The following MXI1 variants were observed in gnomAD, a reference collection of about 807,000 sequenced individuals.
The protein encoded by MXI1 is max-interacting protein 1.
MXI1 carries 18 observed loss-of-function variants against 36.9 expected under a neutral mutation model. The ratio of observed to expected loss-of-function variants is 0.49; its 90% CI spans 0.34 to 0.72. The LOEUF is 0.72. MXI1 is among the 30% of genes least tolerant of loss of function. The pLI is 0.01. For synonymous variants in MXI1, 160 were observed against 146.7 expected (o/e 1.09, Z -0.65); for missense variants, 304 against 379.1 (o/e 0.80, Z 1.64).
At chr10:110,243,125 A>C (rs914751700) in intron 2 of MXI1, among the ~76,000 whole-genome samples, 1 of 150,828 alleles carries the variant, frequency 6.6e-6, no homozygotes, top group African/African-American at 2.4e-5. Context: ...AAAGATTAAC[A>C]AAATTTTAAA....
intron 3 of MXI1, among the ~76,000 whole-genome samples, chr10:110,246,550 A>G (rs1377560034): frequency 1.3e-5 from 2 of 152,192 alleles, no homozygotes; most frequent in Non-Finnish European, 2.9e-5. Flanking sequence ...TACTTTGCAC[A>G]GTGCTGTGTT....
In MXI1 at chr10:110,210,976, A is replaced by G. The variant is rs548461093; in HGVS notation, c.274+2894A>G. 4.0e-5 allele frequency among the ~76,000 whole-genome samples: 6 copies of G among 151,710 alleles called. No individual in the cohort carries two copies. The East Asian group carries it at 7.8e-4, about 20-fold the overall frequency. On this transcript the variant is annotated intron_variant, in intron 1 of 5. Coordinates refer to ENST00000332674, the MANE Select transcript of MXI1 (RefSeq NM_130439.3). ...GATCTGGGCGTTCCGATAGGATTCC[A>G]GCATCTACCGGGTCCCTGGTTTCTG... is the stretch of plus-strand genomic sequence containing the variant.
intron 3 of MXI1, among the ~76,000 whole-genome samples, chr10:110,273,590 T>C (rs983894116): frequency 2.6e-5 from 4 of 152,264 alleles, no homozygotes; most frequent in Non-Finnish European, 4.4e-5. Flanking sequence ...GTAGGAAAAG[T>C]AGCTAGCTGC....
chr10:110,265,827 T>C (rs1241731299), intron 3 of MXI1, among the ~76,000 whole-genome samples: 1 of 152,224 alleles, frequency 6.6e-6, no homozygotes, highest in Non-Finnish European at 1.5e-5. Context: ...TTCCTCTGCA[T>C]GGTTCTCTCT....
chr10:110,221,943 C>G (rs993047263), intron 1 of MXI1, among the ~76,000 whole-genome samples: 4 of 152,180 alleles, frequency 2.6e-5, no homozygotes, highest in Non-Finnish European at 5.9e-5. Flanking sequence ...AGCTACCTCT[C>G]GGGTTTAGCA....
intron 1 of MXI1, among the ~76,000 whole-genome samples, chr10:110,219,982 C>T (rs1854758306): frequency 6.6e-6 from 1 of 152,182 alleles, no homozygotes; most frequent in Admixed American, 6.5e-5. Context: ...TGGAACGCCC[C>T]CAGTCATTGT....
At chr10:110,277,784 CTT>C (rs552605111) in intron 3 of MXI1, among the ~76,000 whole-genome samples, 10 of 152,318 alleles carry the variant, frequency 6.6e-5, no homozygotes, top group Middle Eastern at 3.4e-3. Flanking sequence ...CTAGAAGAAT[CTT>C]AATTCATTAG....
chr10:110,267,703 T>C (rs1476775299), intron 3 of MXI1, among the ~76,000 whole-genome samples: 1 of 152,202 alleles, frequency 6.6e-6, no homozygotes, highest in Non-Finnish European at 1.5e-5. Flanking sequence ...ATTTTTATAA[T>C]GGAAAAGAAT....
intron 2 of MXI1, among the ~76,000 whole-genome samples, chr10:110,230,793 T>C (rs1855230370): frequency 6.6e-6 from 1 of 152,230 alleles, no homozygotes; most frequent in Non-Finnish European, 1.5e-5. Flanking sequence ...TTATGCTGGT[T>C]ACATAAAGCA....
intron 2 of MXI1, among the ~76,000 whole-genome samples, chr10:110,230,349 C>T (rs1855214800): frequency 6.6e-6 from 1 of 152,184 alleles, no homozygotes; most frequent in Non-Finnish European, 1.5e-5. Flanking sequence ...GTGCTAATTA[C>T]TGTGTTTTAG....
intron 1 of MXI1, among the ~76,000 whole-genome samples, chr10:110,215,869 G>C (rs1408782551): frequency 6.6e-6 from 1 of 152,050 alleles, no homozygotes; most frequent in East Asian, 1.9e-4. Flanking sequence ...ACAGTGGGGA[G>C]AGAGAAAAAA....
chr10:110,253,987 A>G (rs762793350), intron 3 of MXI1, among the ~76,000 whole-genome samples: 1 of 151,966 alleles, frequency 6.6e-6, no homozygotes, highest in Non-Finnish European at 1.5e-5. Flanking sequence ...TGGAGCTTCT[A>G]CCCAGGGCAG....
intron 1 of MXI1, among the ~76,000 whole-genome samples, chr10:110,214,995 C>A (rs1379842110): frequency 7.0e-6 from 1 of 143,642 alleles, no homozygotes; most frequent in African/African-American, 2.6e-5. Flanking sequence ...CTGAACCATT[C>A]TTCTCCCTTC....
intron 3 of MXI1, among the ~76,000 whole-genome samples, chr10:110,264,816 C>T (rs1470593155): frequency 6.6e-6 from 1 of 152,018 alleles, no homozygotes; most frequent in African/African-American, 2.4e-5. Flanking sequence ...AATAAAATTC[C>T]ATTCATTTAA....
intron 3 of MXI1, 142 bp downstream of exon 3, chr10:110,244,999 T>C (rs951009255): frequency 2.7e-5 from 20 of 739,940 alleles, no homozygotes; most frequent in African/African-American, 1.8e-5. Context: ...GATATATATG[T>C]ATTTTCTCCA....
Position 110,279,252 on chromosome 10 carries a change from CACA to C in MXI1, c.514_516del (p.Thr172del). On this transcript the variant is annotated inframe_deletion, in exon 4 of 6. Transcript: ENST00000332674. ...CACTAGGACCAGACTGCACCCGGCA[CACA>C]ACACTTGGTTTGCTCAACAAAGCCA... 6.2e-7 allele frequency: 1 copy of C among 1,614,190 alleles called. No individual in the cohort carries two copies. Among genetic ancestry groups the C allele is most frequent in the Non-Finnish European group, 8.5e-7 (1 of 1,180,024 alleles).
intron 3 of MXI1, among the ~76,000 whole-genome samples, chr10:110,273,260 A>G (rs565114203): frequency 3.3e-5 from 5 of 151,464 alleles, no homozygotes; most frequent in Admixed American, 6.6e-5. Flanking sequence ...TGTTAGCCAC[A>G]ATGGTCTCGA....
At chr10:110,239,342 T>G (rs904025028) in intron 2 of MXI1, among the ~76,000 whole-genome samples, 1 of 152,182 alleles carries the variant, frequency 6.6e-6, no homozygotes, top group Admixed American at 6.5e-5. Flanking sequence ...TTCTACTTTC[T>G]TAAGGTGGAA....
chr10:110,252,613 GTTAT>G (rs1856136886), intron 3 of MXI1, among the ~76,000 whole-genome samples: 1 of 152,012 alleles, frequency 6.6e-6, no homozygotes, highest in South Asian at 2.1e-4. Context: ...ATCTGTCTGA[GTTAT>G]TTATTCATTT....
Sources: gnomAD v4.1 joint callset for allele counts (sites outside exome capture counted in the v4.1 genomes callset) on GRCh38, gnomAD v4.1.1 for gene constraint, MANE v1.5 for transcripts, NCBI Gene and HGNC (gene_info 2026-07-23, HGNC 2026-07-21) for gene names.